The following SNAPC3 variants were observed in gnomAD, a reference collection of about 807,000 sequenced individuals.
The protein encoded by SNAPC3 is snRNA-activating protein complex subunit 3.
SNAPC3 carries 56 observed loss-of-function variants against 47.7 expected under a neutral mutation model. That is an observed-to-expected ratio of 1.18 (90% CI 0.95 to 1.47). The LOEUF (loss-of-function observed/expected upper bound fraction) is 1.47. SNAPC3 is among the 40% of genes most tolerant of loss of function. The probability of loss-of-function intolerance (pLI) is 0.00; values close to 1 mark genes in which losing one functional copy is unlikely to be tolerated. For synonymous variants in SNAPC3, 235 were observed against 189.9 expected (o/e 1.24, Z -1.95); for missense variants, 665 against 511.3 (o/e 1.30, Z -2.90).
intron 7 of SNAPC3, 102 bp from the exon 8 acceptor site, chr9:15,457,858 T>G: frequency 1.4e-6 from 1 of 696,496 alleles, no homozygotes; most frequent in Non-Finnish European, 2.4e-6. Flanking sequence ...ATTGAAAGTA[T>G]CTATTTTCCT....
rs372745319 is a variant in SNAPC3, at chr9:15,452,804, T to G, written c.816-237T>G. Among the ~76,000 whole-genome samples, 6 of 152,338 alleles carry G rather than the reference T, an allele frequency of 3.9e-5. No homozygotes were observed. In the East Asian group the frequency reaches 9.6e-4, roughly 24 times the overall value. On this transcript the variant is annotated intron_variant, in intron 6 of 8. Transcript: ENST00000380821. ...ACAATGAGTGGCATTGTTACACATT[T>G]TGCATTTAAGCTAAAGTGATGCACA... is the stretch of plus-strand genomic sequence containing the variant.
rs1400842697 is a variant in SNAPC3, at chr9:15,436,315, T to C, written c.477+2679T>C. ...TTTTCTTCTAGGAGTTTTATAGCTT[T>C]AGCTCATAAGTTTGTCTTTGATCCA... On this transcript the variant is annotated intron_variant, in intron 3 of 8. Coordinates refer to ENST00000380821, the MANE Select transcript of SNAPC3 (RefSeq NM_001039697.2). 2.6e-5 allele frequency among the ~76,000 whole-genome samples: 4 copies of C among 152,278 alleles called. No individual in the cohort carries two copies. In the East Asian group the frequency reaches 7.7e-4, roughly 29 times the overall value.
At chr9:15,463,894 G>GATAA (rs2035422026), downstream of SNAPC3, 1 of 152,660 alleles carries the variant, frequency 6.6e-6, no homozygotes, top group Non-Finnish European at 1.4e-5. Context: ...GTGAACAAAA[G>GATAA]ATAAATATTA....
chr9:15,464,561 A>G (rs1482363333), downstream of SNAPC3: 2 of 199,572 alleles, frequency 1.0e-5, no homozygotes, highest in Non-Finnish European at 2.1e-5. Context: ...AATAAAAACA[A>G]TATAGCCATG....
intron 2 of SNAPC3, among the ~76,000 whole-genome samples, chr9:15,427,481 TG>T (rs1352611199): frequency 6.6e-6 from 1 of 152,228 alleles, no homozygotes; most frequent in Non-Finnish European, 1.5e-5. Flanking sequence ...CCCAAGTAGC[TG>T]GGATTACTGG....
chr9:15,428,222 C>T (rs1054194561), intron 2 of SNAPC3, among the ~76,000 whole-genome samples: 2 of 151,844 alleles, frequency 1.3e-5, no homozygotes, highest in Non-Finnish European at 2.9e-5. Context: ...TATCACTGTG[C>T]CCCAGATGTT....
chr9:15,434,581 T>G (rs1426155486), intron 3 of SNAPC3, among the ~76,000 whole-genome samples: 1 of 152,150 alleles, frequency 6.6e-6, no homozygotes, highest in Admixed American at 6.5e-5. Context: ...CTCATTTTTG[T>G]ATTTTTAGTA....
intron 2 of SNAPC3, among the ~76,000 whole-genome samples, chr9:15,432,983 C>T (rs1021540704): frequency 1.4e-4 from 21 of 152,092 alleles, no homozygotes; most frequent in African/African-American, 5.1e-4. Context: ...CAGAAACAAG[C>T]TAAACATCAC....
At position 15,447,213 on chromosome 9, in the gene SNAPC3, C is replaced by G; in HGVS notation, c.701C>G (p.Thr234Ser). The G allele has an allele frequency of 2.5e-6, 4 of 1,614,122 alleles. No homozygotes were observed. Among genetic ancestry groups the G allele is most frequent in the Non-Finnish European group, 3.4e-6 (4 of 1,179,980 alleles). The change falls in exon 5 of 9, where the codon ACT (threonine) becomes AGT (serine). Residue 234 changes from threonine to serine, a missense_variant. Coordinates refer to ENST00000380821, the MANE Select transcript of SNAPC3 (RefSeq NM_001039697.2). ...CAGATTGGTGGTGAATTCAGCAACA[C>G]TCCTGACCAAGCCCCTGAGCACATC... Reference protein sequence around the residue: ...DLQIGGEFSNTPDQAPEHISK... With the variant: ...DLQIGGEFSNSPDQAPEHISK...
Position 15,423,175 on chromosome 9 carries a change from A to T in SNAPC3, c.296A>T (p.Glu99Val). ...DLDCSLEAAA[E>V]LRAVCGLDKL... ...GACTGCAGCCTGGAGGCGGCGGCTGAGCTGAGGGCGGTGTGCGGGTGAGTG... is the reference window on the plus strand; with the variant it reads ...GACTGCAGCCTGGAGGCGGCGGCTGTGCTGAGGGCGGTGTGCGGGTGAGTG... The change falls in exon 1 of 9, where the codon GAG (glutamate) becomes GTG (valine). Residue 99 changes from glutamate (E) to valine (V), a missense_variant. Glu to Val is a moderately radical substitution (Grantham distance 121). Coordinates refer to ENST00000380821, the MANE Select transcript of SNAPC3 (RefSeq NM_001039697.2). The T allele has an allele frequency of 6.3e-7, 1 of 1,577,478 alleles. No individual in the cohort carries two copies. Among genetic ancestry groups the T allele is most frequent in the South Asian group, 1.1e-5 (1 of 87,438 alleles).
Position 15,459,861 on chromosome 9 carries a change from A to C in SNAPC3, c.1231A>C (p.Asn411His), listed in dbSNP as rs1314663256. 6.2e-7 allele frequency: 1 copy of C among 1,612,150 alleles called. No individual in the cohort carries two copies. The highest frequency in any genetic ancestry group is 1.7e-5 in the Admixed American group (1 of 59,756). Residue 411 changes from asparagine to histidine, a missense_variant, in exon 9 of 9, where the codon AAT (asparagine) becomes CAT (histidine). Transcript: ENST00000380821. Reference protein sequence around the residue: ...AYPYVDPGTFN With the variant: ...AYPYVDPGTFH ...TCCTTATGTTGATCCTGGAACCTTT[A>C]ATTAAGAATAGCTACACTCACAAAA...
At chr9:15,452,255 GCCC>G (rs2034445581) in intron 6 of SNAPC3, among the ~76,000 whole-genome samples, 1 of 151,646 alleles carries the variant, frequency 6.6e-6, no homozygotes, top group Middle Eastern at 3.2e-3. Context: ...GAGCCACAAT[GCCC>G]AGCATATTGT....
intron 2 of SNAPC3, among the ~76,000 whole-genome samples, chr9:15,432,466 G>C (rs1490566964): frequency 6.6e-6 from 1 of 152,066 alleles, no homozygotes; most frequent in Non-Finnish European, 1.5e-5. Context: ...CCGGGGACGA[G>C]ACAAGAAAAA....
At chr9:15,462,019 CCTTT>C (rs1259333466), downstream of SNAPC3, 1 of 152,086 alleles carries the variant, frequency 6.6e-6, no homozygotes, top group Non-Finnish European at 1.5e-5. Flanking sequence ...AATTTTGATT[CCTTT>C]ATTTTCAATA....
chr9:15,432,443 C>G (rs62570975), intron 2 of SNAPC3, among the ~76,000 whole-genome samples: 6,183 of 152,062 alleles, frequency 0.041, 137 homozygotes, highest in South Asian at 0.068. Context: ...AGGGCTCTTA[C>G]AAGTGGTTGA....
chr9:15,459,962 A>G lies in SNAPC3; in HGVS notation c.*96A>G. ...GAAACGCCACTGAGGAACAGGATCC[A>G]CTTTGAACAGTCCGCTAAAGCTATC... On this transcript the variant is annotated 3_prime_UTR_variant, in exon 9 of 9. Coordinates refer to ENST00000380821, the MANE Select transcript of SNAPC3 (RefSeq NM_001039697.2). The G allele has an allele frequency of 1.8e-6, 2 of 1,101,110 alleles. No homozygotes were observed. Among genetic ancestry groups the G allele is most frequent in the African/African-American group, 1.6e-5 (1 of 63,556 alleles). 68.2% of individuals were successfully genotyped at this position (1,101,110 alleles called of 1,614,324 possible).
chr9:15,465,554 T>G, downstream of SNAPC3: 1 of 1,585,894 alleles, frequency 6.3e-7, no homozygotes, highest in Non-Finnish European at 8.6e-7. Context: ...CAGAGATATT[T>G]CAGTCTCTCT....
downstream of SNAPC3, chr9:15,463,279 C>T (rs1587438320): frequency 8.1e-6 from 1 of 123,532 alleles, no homozygotes; most frequent in East Asian, 2.5e-4. Flanking sequence ...GGCTGGAGTG[C>T]AGTGGGGCAA....
chr9:15,432,776 AGAAAG>A, intron 2 of SNAPC3, among the ~76,000 whole-genome samples: 1 of 152,370 alleles, frequency 6.6e-6, no homozygotes, highest in Admixed American at 6.5e-5. Flanking sequence ...TAAATGTAGA[AGAAAG>A]TAAAGACAGA....
Sources: gnomAD v4.1 joint callset for allele counts (sites outside exome capture counted in the v4.1 genomes callset) on GRCh38, gnomAD v4.1.1 for gene constraint, MANE v1.5 for transcripts, NCBI Gene and HGNC (gene_info 2026-07-23, HGNC 2026-07-21) for gene names.